The following HMGN1 variants were observed in gnomAD, a reference collection of about 807,000 sequenced individuals.
HMGN1 encodes the protein high mobility group nucleosome binding domain 1.
A neutral mutation model predicts 18.4 loss-of-function variants in HMGN1; 9 were observed. The ratio of observed to expected loss-of-function variants is 0.49; its 90% CI spans 0.29 to 0.85. The LOEUF (loss-of-function observed/expected upper bound fraction) is 0.85, where lower values mean the gene tolerates loss of function less well. Ranked by LOEUF, HMGN1 falls within the 40% of genes least tolerant of loss-of-function variation. HMGN1 has a pLI of 0.07. For missense variants in HMGN1, 151 were observed against 119.2 expected, an observed-to-expected ratio of 1.27 and a Z score of -1.24; for synonymous variants, 59 against 45.0, an observed-to-expected ratio of 1.31 and a Z score of -1.24.
Position 39,342,724 on chromosome 21 carries a change from T to C in HMGN1, c.*388A>G, listed in dbSNP as rs1004509138. 9.6e-6 allele frequency: 4 copies of C among 417,720 alleles called. No individual in the cohort carries two copies. The highest frequency in any genetic ancestry group is 1.7e-5 in the Non-Finnish European group (4 of 237,466). The allele number at this position is 417,720 out of a possible 1,614,324, so 25.9% of individuals were successfully genotyped here. A position where few individuals can be genotyped will look rare whatever the true frequency, so the allele number is the denominator to read the frequency against. On this transcript the variant is annotated 3_prime_UTR_variant, in exon 6 of 6. Transcript: ENST00000380749. Reference sequence around the variant, plus strand: ...ACAATTCTACTAAAAAACAACATGGTAATAGAAGTAATTTAAAATGTTCAA... The same window carrying C: ...ACAATTCTACTAAAAAACAACATGGCAATAGAAGTAATTTAAAATGTTCAA...
rs771021827 is a variant in HMGN1 at position 39,348,410 on chromosome 21, C to T, written c.78+12G>A. On this transcript the variant is annotated intron_variant, in intron 3 of 5. Coordinates refer to ENST00000380749, the MANE Select transcript of HMGN1 (RefSeq NM_004965.7). ...GCGGAAAACGAACGGTTACGGGGCT[C>T]GCTTTACTTACAGCTGACAACCGCG... 1.2e-6 allele frequency: 2 copies of T among 1,614,174 alleles called. No individual in the cohort carries two copies. Among genetic ancestry groups the T allele is most frequent in the African/African-American group, 2.7e-5 (2 of 75,048 alleles).
chr21:39,345,066 A>C, intron 5 of HMGN1, 80 bp downstream of exon 5: 1 of 1,433,616 alleles, frequency 7.0e-7, no homozygotes, highest in East Asian at 2.5e-5. Flanking sequence ...TATCTGCTAC[A>C]AAAAATGTAC....
In HMGN1 at chr21:39,342,741, A is replaced by T. The variant is rs2036904522; in HGVS notation, c.*371T>A. The T allele has an allele frequency of 2.1e-6, 1 of 487,580 alleles. No individual in the cohort carries two copies. The highest frequency in any genetic ancestry group is 3.4e-6 in the Non-Finnish European group (1 of 295,182). The allele number at this position is 487,580 out of a possible 1,614,324, so 30.2% of individuals were successfully genotyped here. ...CAACATGGTAATAGAAGTAATTTAA[A>T]ATGTTCAAGACATTAAATGCAGGAC... On this transcript the variant is annotated 3_prime_UTR_variant, in exon 6 of 6. Transcript: ENST00000380749.
rs779260355 is a variant in HMGN1 at position 39,343,121 on chromosome 21, C to T, written c.294G>A (p.Lys98=). 3.2e-6 allele frequency: 5 copies of T among 1,584,984 alleles called. No individual in the cohort carries two copies. The Admixed American group carries it at 6.9e-5, about 22-fold the overall frequency. The change falls in exon 6 of 6, where the codon AAG becomes AAA. Residue 98 remains lysine (K), a synonymous_variant. Coordinates refer to ENST00000380749, the MANE Select transcript of HMGN1 (RefSeq NM_004965.7). ...ASDEAGEKEA[K]SD Reference sequence around the variant, plus strand: ...ACATGGTATATGGTTATTAATCAGACTTGGCTTCTTTCTCTCCTGCTTCAT... The same window carrying T: ...ACATGGTATATGGTTATTAATCAGATTTGGCTTCTTTCTCTCCTGCTTCAT...
At position 39,348,975 on chromosome 21, in the gene HMGN1, C is replaced by G; in HGVS notation, c.-58G>C. 8.3e-7 allele frequency: 1 copy of G among 1,204,284 alleles called. No homozygotes were observed. The highest frequency in any genetic ancestry group is 1.0e-6 in the Non-Finnish European group (1 of 970,960). The allele number at this position is 1,204,284 out of a possible 1,614,324, so 74.6% of individuals were successfully genotyped here. A position where few individuals can be genotyped will look rare whatever the true frequency, so the allele number is the denominator to read the frequency against. On this transcript the variant is annotated 5_prime_UTR_variant, in exon 1 of 6. Coordinates refer to ENST00000380749, the MANE Select transcript of HMGN1 (RefSeq NM_004965.7). ...TGCGGGGAAGGCGCGTGCCGGGTGC[C>G]TGCGGGCCGCGGCGCGCCGACAGCC...
Position 39,348,403 on chromosome 21 carries a change from C to T in HMGN1, c.78+19G>A. On this transcript the variant is annotated intron_variant, in intron 3 of 5. Transcript: ENST00000380749. The stretch of plus-strand genomic sequence containing the variant: ...ACGACCCGCGGAAAACGAACGGTTA[C>T]GGGGCTCGCTTTACTTACAGCTGAC... 1 of 1,614,164 alleles carries T rather than the reference C, an allele frequency of 6.2e-7. No homozygotes were observed. Among genetic ancestry groups the T allele is most frequent in the Non-Finnish European group, 8.5e-7 (1 of 1,180,038 alleles).
rs762647544 is a variant in HMGN1, at chr21:39,348,553, T to C, written c.40A>G (p.Lys14Glu). Residue 14 changes from lysine (K) to glutamate (E), a missense_variant, in exon 2 of 6, where the codon AAG becomes GAG. Lys to Glu is a moderately conservative substitution (Grantham distance 56). Coordinates refer to ENST00000380749, the MANE Select transcript of HMGN1 (RefSeq NM_004965.7). ...AGAAGGCCCGCACTCACCTCTTCCT[T>C]GGCGGCGCCTTCGGCGGAGCTGACC... Reference protein sequence around the residue: ...RKVSSAEGAAKEEPKRRSARL... With the variant: ...RKVSSAEGAAEEEPKRRSARL... 2.7e-5 allele frequency: 42 copies of C among 1,579,632 alleles called. No homozygotes were observed. The highest frequency in any genetic ancestry group is 3.4e-5 in the Non-Finnish European group (40 of 1,160,096).
chr21:39,346,028 A>C lies in HMGN1; in HGVS notation c.127-754T>G. 4 of 986,888 alleles carry C rather than the reference A, an allele frequency of 4.1e-6. No homozygotes were observed. The South Asian group carries it at 4.1e-5, about 10-fold the overall frequency. 61.1% of individuals were successfully genotyped at this position (986,888 alleles called of 1,614,324 possible). A position where few individuals can be genotyped will look rare whatever the true frequency, so the allele number is the denominator to read the frequency against. The stretch of plus-strand genomic sequence containing the variant: ...TAAGTTCAAAATTTAAGCCATGTTA[A>C]AGAAACATAAAAATACTTTTAGATA... On this transcript the variant is annotated intron_variant, in intron 4 of 5. Transcript: ENST00000380749.
chr21:39,344,090 A>G (rs2036957003), intron 5 of HMGN1, among the ~76,000 whole-genome samples: 1 of 152,070 alleles, frequency 6.6e-6, no homozygotes, highest in African/African-American at 2.4e-5. Context: ...CCCCGTTTCT[A>G]CTAAAAATAC....
At chr21:39,345,369 C>T (rs2037015005) in intron 4 of HMGN1, 95 bp from the exon 5 acceptor site, 2 of 1,219,406 alleles carry the variant, frequency 1.6e-6, no homozygotes, top group Middle Eastern at 1.9e-4. Flanking sequence ...AAGTAATGTG[C>T]CCAGTGGTGC....
chr21:39,348,682 C>T, intron 1 of HMGN1, 105 bp from the exon 2 acceptor site: 4 of 1,372,468 alleles, frequency 2.9e-6, no homozygotes, highest in Non-Finnish European at 3.9e-6. Context: ...CACGGCTTCC[C>T]GCCGCCCCGT....
chr21:39,348,681 C>G, intron 1 of HMGN1, 104 bp from the exon 2 acceptor site: 1 of 1,370,100 alleles, frequency 7.3e-7, no homozygotes, highest in Non-Finnish European at 9.7e-7. Context: ...TCACGGCTTC[C>G]CGCCGCCCCG....
rs2036919565 is a variant in HMGN1, at chr21:39,343,104, T to G, written c.*8A>C. On this transcript the variant is annotated 3_prime_UTR_variant, in exon 6 of 6. Transcript: ENST00000380749. ...CAGGGACCACTGATAAGACATGGTA[T>G]ATGGTTATTAATCAGACTTGGCTTC... is the stretch of plus-strand genomic sequence containing the variant. The G allele has an allele frequency of 6.7e-7, 1 of 1,502,178 alleles. No individual in the cohort carries two copies. Among genetic ancestry groups the G allele is most frequent in the African/African-American group, 1.4e-5 (1 of 72,296 alleles). The allele number at this position is 1,502,178 out of a possible 1,614,324, so 93.1% of individuals were successfully genotyped here.
chr21:39,347,912 T>C, intron 4 of HMGN1: 1 of 982,020 alleles, frequency 1.0e-6, no homozygotes, highest in Non-Finnish European at 1.2e-6. Flanking sequence ...ATATAAAAAC[T>C]TACACGTTCC....
In HMGN1 at chr21:39,347,977, C is replaced by G. The variant is rs971915786; in HGVS notation, c.126+315G>C. The G allele has an allele frequency of 3.2e-6, 4 of 1,246,704 alleles. No individual in the cohort carries two copies. In the African/African-American group the frequency reaches 4.7e-5, roughly 15 times the overall value. The allele number at this position is 1,246,704 out of a possible 1,614,324, so 77.2% of individuals were successfully genotyped here. ...TCTTTTATTGTCAAAAAAGGAAGTACAAGCACGAATTAAAAGCCAAGCACC... is the reference window on the plus strand; with the variant it reads ...TCTTTTATTGTCAAAAAAGGAAGTAGAAGCACGAATTAAAAGCCAAGCACC... On this transcript the variant is annotated intron_variant, in intron 4 of 5. Transcript: ENST00000380749.
At chr21:39,348,242 C>T (rs2037130672) in intron 4 of HMGN1, 50 bp downstream of exon 4, 1 of 1,599,220 alleles carries the variant, frequency 6.3e-7, no homozygotes. Context: ...CATTAAGAAG[C>T]AGTGTAGCCT....
At position 39,348,415 on chromosome 21, in the gene HMGN1, T is replaced by C; in HGVS notation, c.78+7A>G. The C allele has an allele frequency of 6.2e-7, 1 of 1,614,200 alleles. No individual in the cohort carries two copies. The highest frequency in any genetic ancestry group is 8.5e-7 in the Non-Finnish European group (1 of 1,180,036). On this transcript the variant is annotated splice_region_variant and intron_variant, in intron 3 of 5. Coordinates refer to ENST00000380749, the MANE Select transcript of HMGN1 (RefSeq NM_004965.7). ...AAACGAACGGTTACGGGGCTCGCTT[T>C]ACTTACAGCTGACAACCGCGCCGAT... is the stretch of plus-strand genomic sequence containing the variant.
chr21:39,343,199 CGTT>C (rs780146162), intron 5 of HMGN1, 40 bp from the exon 6 acceptor site: 4 of 1,561,740 alleles, frequency 2.6e-6, no homozygotes, highest in Admixed American at 1.9e-5. Context: ...GCATTTAACA[CGTT>C]GTCGTTTTAT....
intron 4 of HMGN1, chr21:39,347,621 A>G: frequency 2.6e-6 from 1 of 386,048 alleles, no homozygotes; most frequent in South Asian, 1.9e-5. Flanking sequence ...TGCTATATCC[A>G]AACACAAAGC....
Sources: gnomAD v4.1 joint callset for allele counts (sites outside exome capture counted in the v4.1 genomes callset) on GRCh38, gnomAD v4.1.1 for gene constraint, MANE v1.5 for transcripts, NCBI Gene and HGNC (gene_info 2026-07-23, HGNC 2026-07-21) for gene names.